The following FSTL4 variants were observed in gnomAD, a reference collection of about 807,000 sequenced individuals.
The protein encoded by FSTL4 is follistatin-related protein 4.
FSTL4 carries 28 observed loss-of-function variants against 78.2 expected under a neutral mutation model. That is an observed-to-expected ratio of 0.36 (90% CI 0.27 to 0.49). The LOEUF (loss-of-function observed/expected upper bound fraction) is 0.49, where lower values mean the gene tolerates loss of function less well. FSTL4 is among the 20% of genes least tolerant of loss of function. The pLI, the probability that FSTL4 is intolerant of heterozygous loss-of-function variation, is 0.98. For missense variants in FSTL4, 922 were observed against 1,084.9 expected, an observed-to-expected ratio of 0.85 and a Z score of 2.11; for synonymous variants, 422 against 440.5, an observed-to-expected ratio of 0.96 and a Z score of 0.53.
chr5:133,520,836 T>C (rs1475057549), intron 3 of FSTL4, among the ~76,000 whole-genome samples: 1 of 152,012 alleles, frequency 6.6e-6, no homozygotes, highest in Non-Finnish European at 1.5e-5. Context: ...CTAGATGGGT[T>C]CTGATGGGAT....
chr5:133,613,939 CT>C (rs1453628079), upstream of FSTL4, among the ~76,000 whole-genome samples: 1 of 152,212 alleles, frequency 6.6e-6, no homozygotes, highest in Non-Finnish European at 1.5e-5. Flanking sequence ...GACTGAACTT[CT>C]GGGGCTGGCT....
At chr5:133,352,625 G>C (rs769167302) in intron 4 of FSTL4, among the ~76,000 whole-genome samples, 1 of 152,024 alleles carries the variant, frequency 6.6e-6, no homozygotes, top group Non-Finnish European at 1.5e-5. Flanking sequence ...GCCCAGGCCG[G>C]TCTCAAATAC....
intron 6 of FSTL4, among the ~76,000 whole-genome samples, chr5:133,260,699 G>A (rs1005030554): frequency 6.6e-6 from 1 of 152,216 alleles, no homozygotes; most frequent in African/African-American, 2.4e-5. Flanking sequence ...CTGTTTTCAG[G>A]GCTCACCTGA....
Position 133,400,997 on chromosome 5 carries a change from C to CACAA in FSTL4, c.161-15_161-12dup. 6.2e-7 allele frequency: 1 copy of CACAA among 1,612,712 alleles called. No individual in the cohort carries two copies. Among genetic ancestry groups the CACAA allele is most frequent in the East Asian group, 2.2e-5 (1 of 44,882 alleles). On this transcript the variant is annotated splice_polypyrimidine_tract_variant and intron_variant, in intron 3 of 15. Transcript: ENST00000265342. Reference sequence around the variant, plus strand: ...TGTGGCTGGAAAGCCCTGCCAGACACACAAACACAGAGGGTCAGCTGTAAA... The same window carrying CACAA: ...TGTGGCTGGAAAGCCCTGCCAGACACACAAACAAACACAGAGGGTCAGCTGTAAA...
chr5:133,629,169 T>C, the FSTL4 span, among the ~76,000 whole-genome samples: 5 of 151,312 alleles, frequency 3.3e-5, no homozygotes, highest in Admixed American at 3.3e-4. Flanking sequence ...TTATTGAGAG[T>C]TTTTAGCATA....
At chr5:133,352,305 TATATATACACAC>T (rs1289642192) in intron 4 of FSTL4, among the ~76,000 whole-genome samples, 12 of 137,236 alleles carry the variant, frequency 8.7e-5, no homozygotes, top group African/African-American at 3.6e-4. Flanking sequence ...CACACACATA[TATATATACACAC>T]ATATATATAC....
At chr5:133,563,795 T>C (rs900724607) in intron 3 of FSTL4, among the ~76,000 whole-genome samples, 25 of 152,214 alleles carry the variant, frequency 1.6e-4, no homozygotes, top group African/African-American at 5.1e-4. Flanking sequence ...GCATATTACA[T>C]TCCCTGTTGA....
At chr5:133,305,540 C>T (rs1017887463) in intron 6 of FSTL4, among the ~76,000 whole-genome samples, 1 of 152,188 alleles carries the variant, frequency 6.6e-6, no homozygotes, top group African/African-American at 2.4e-5. Flanking sequence ...GACAGTTGGT[C>T]CTCCTGCACC....
At chr5:133,794,195 C>G in the FSTL4 span, among the ~76,000 whole-genome samples, 1 of 152,242 alleles carries the variant, frequency 6.6e-6, no homozygotes, top group Non-Finnish European at 1.5e-5. Context: ...AAGGCAGTGA[C>G]AAGGCCAAGA....
the FSTL4 span, among the ~76,000 whole-genome samples, chr5:133,733,992 G>A: frequency 6.6e-6 from 1 of 152,188 alleles, no homozygotes; most frequent in Non-Finnish European, 1.5e-5. Flanking sequence ...CATGGCAACT[G>A]GGTTCCTCAA....
Position 133,210,208 on chromosome 5 carries a change from A to C in FSTL4, c.1699T>G (p.Ser567Ala). The C allele has an allele frequency of 1.2e-6, 2 of 1,602,074 alleles. No homozygotes were observed. Among genetic ancestry groups the C allele is most frequent in the Non-Finnish European group, 1.7e-6 (2 of 1,169,154 alleles). The change falls in exon 14 of 16, where the codon TCC becomes GCC. Residue 567 changes from serine (S) to alanine (A), a missense_variant. Transcript: ENST00000265342. ...CAACATACCTGGAGACTTGGTCGGGACTTGTGCACGTCCCCCCAGCTCAGG... is the reference window on the plus strand; with the variant it reads ...CAACATACCTGGAGACTTGGTCGGGCCTTGTGCACGTCCCCCCAGCTCAGG... The part of the protein sequence containing the change: ...WVLSWGDVHK[S>A]RPSLQVITEA...
intron 4 of FSTL4, among the ~76,000 whole-genome samples, chr5:133,375,402 T>C (rs906673900): frequency 2.0e-5 from 3 of 150,608 alleles, no homozygotes; most frequent in African/African-American, 7.3e-5. Context: ...CTTTTCTGTA[T>C]GTCCTAAATT....
chr5:133,652,047 G>A, the FSTL4 span, among the ~76,000 whole-genome samples: 3 of 152,064 alleles, frequency 2.0e-5, no homozygotes, highest in African/African-American at 7.2e-5. Flanking sequence ...GCTTAGAGTT[G>A]TTCATAGTAT....
At chr5:133,401,754 TC>T (rs1335627886) in intron 3 of FSTL4, among the ~76,000 whole-genome samples, 4 of 152,108 alleles carry the variant, frequency 2.6e-5, no homozygotes, top group Non-Finnish European at 5.9e-5. Context: ...AGAAAGGTTT[TC>T]CCAGAAACAC....
chr5:133,475,864 T>C (rs79658960), intron 3 of FSTL4, among the ~76,000 whole-genome samples: 4,569 of 152,182 alleles, frequency 0.03, 208 homozygotes, highest in African/African-American at 0.1. Flanking sequence ...GCTACCCTGC[T>C]CTCACGCGTG....
At chr5:133,229,609 G>C (rs1446929791) in intron 8 of FSTL4, among the ~76,000 whole-genome samples, 1 of 151,870 alleles carries the variant, frequency 6.6e-6, no homozygotes, top group African/African-American at 2.4e-5. Context: ...AGGAAATTTT[G>C]AAAAAAGGGA....
At chr5:133,451,238 C>CT (rs540339948) in intron 3 of FSTL4, among the ~76,000 whole-genome samples, 71 of 152,212 alleles carry the variant, frequency 4.7e-4, no homozygotes, top group Non-Finnish European at 8.1e-4. Context: ...AGGAAGCCTT[C>CT]TGAGGGCCTG....
chr5:133,727,143 G>C, the FSTL4 span, among the ~76,000 whole-genome samples: 1 of 152,092 alleles, frequency 6.6e-6, no homozygotes, highest in Non-Finnish European at 1.5e-5. Flanking sequence ...GGGACCCAGA[G>C]ACCAATCAAT....
chr5:133,301,574 G>A (rs1227197335), intron 6 of FSTL4, among the ~76,000 whole-genome samples: 1 of 152,180 alleles, frequency 6.6e-6, no homozygotes, highest in Non-Finnish European at 1.5e-5. Flanking sequence ...CGCACCACCT[G>A]TGGAGGGGGA....
Sources: gnomAD v4.1 joint callset for allele counts (sites outside exome capture counted in the v4.1 genomes callset) on GRCh38, gnomAD v4.1.1 for gene constraint, MANE v1.5 for transcripts, NCBI Gene and HGNC (gene_info 2026-07-23, HGNC 2026-07-21) for gene names.